Variants in TGFBR3 observed in about 807,000 individuals in gnomAD.
TGFBR3 encodes the protein transforming growth factor beta receptor type 3.
Under a neutral mutation model 87.9 loss-of-function variants are expected in TGFBR3, and 46 were observed. The ratio of observed to expected loss-of-function variants is 0.52; its 90% CI spans 0.41 to 0.67. The LOEUF is 0.67. TGFBR3 is among the 30% of genes least tolerant of loss of function. TGFBR3 has a pLI of 0.00. For synonymous variants in TGFBR3, 381 were observed against 391.6 expected, an observed-to-expected ratio of 0.97 and a Z score of 0.32; for missense variants, 866 against 1,041.9, an observed-to-expected ratio of 0.83 and a Z score of 2.32.
At chr1:91,720,518 G>C (rs1452962224) in intron 8 of TGFBR3, among the ~76,000 whole-genome samples, 1 of 152,084 alleles carries the variant, frequency 6.6e-6, no homozygotes. Context: ...TCTTAACTTT[G>C]GCTACACATG....
At position 91,681,594 on chromosome 1, in the gene TGFBR3, C is replaced by T. The variant is rs538787765; in HGVS notation, c.*2145G>A. Reference sequence around the variant, plus strand: ...CTAATAGCTAATTTTCTTTTTAACACGATGGAAAAGATTTTTTAAAAAAGC... The same window carrying T: ...CTAATAGCTAATTTTCTTTTTAACATGATGGAAAAGATTTTTTAAAAAAGC... On this transcript the variant is annotated 3_prime_UTR_variant, in exon 17 of 17. Coordinates refer to ENST00000212355, the MANE Select transcript of TGFBR3 (RefSeq NM_003243.5). The T allele has an allele frequency of 3.7e-5, 15 of 401,000 alleles. 1 individual carries two copies. Among genetic ancestry groups the T allele is most frequent in the Middle Eastern group, 8.2e-4 (1 of 1,214 alleles). The allele number at this position is 401,000 out of a possible 1,614,324, so 24.8% of individuals were successfully genotyped here.
chr1:91,788,890 T>C (rs1040350910), intron 3 of TGFBR3, among the ~76,000 whole-genome samples: 24 of 152,212 alleles, frequency 1.6e-4, no homozygotes, highest in Admixed American at 5.2e-4. Flanking sequence ...TAATTCTTTT[T>C]TTAAAGCCAA....
Position 91,843,820 on chromosome 1 carries a change from C to G in TGFBR3, c.61+17651G>C, listed in dbSNP as rs148945890. ...TTCATATGTCTCTGTCAAGACCACT[C>G]TTGACACTGTGGTGGAGAATTACTT... On this transcript the variant is annotated intron_variant, in intron 2 of 16. Coordinates refer to ENST00000212355, the MANE Select transcript of TGFBR3 (RefSeq NM_003243.5). Among the ~76,000 whole-genome samples the G allele has an allele frequency of 2.0e-5, 3 of 152,310 alleles. No individual in the cohort carries two copies. The East Asian group carries it at 5.8e-4, about 29-fold the overall frequency.
At position 91,809,845 on chromosome 1, in the gene TGFBR3, G is replaced by A. The variant is rs537817577; in HGVS notation, c.62-12374C>T. ...GAAACTGAGAGCTGACATTTGCAGA[G>A]AAATTATGAACACCTGGTCACTGGT... On this transcript the variant is annotated intron_variant, in intron 2 of 16. Coordinates refer to ENST00000212355, the MANE Select transcript of TGFBR3 (RefSeq NM_003243.5). Among the ~76,000 whole-genome samples the A allele has an allele frequency of 2.0e-5, 3 of 152,310 alleles. No individual in the cohort carries two copies. In the South Asian group the frequency reaches 6.2e-4, roughly 32 times the overall value.
In TGFBR3 at chr1:91,721,957, T is replaced by C. The variant is rs747455652; in HGVS notation, c.1073A>G (p.Asn358Ser). 10 of 1,612,996 alleles carry C rather than the reference T, an allele frequency of 6.2e-6. No homozygotes were observed. Among genetic ancestry groups the C allele is most frequent in the East Asian group, 2.2e-5 (1 of 44,800 alleles). The change falls in exon 8 of 17, where the codon AAT becomes AGT. Residue 358 changes from asparagine (N) to serine (S), a missense_variant and splice_region_variant. Transcript: ENST00000212355. ...AACTTAAAAAACTTCTAACTTACCA[T>C]TATTTTCAAGCCGAAGATGAAATCT... ...ANRFHLRLEN[N>S]AEEMGDEEVH... is the part of the protein sequence containing the mutation.
chr1:91,844,934 A>G (rs1425042958), intron 2 of TGFBR3, among the ~76,000 whole-genome samples: 1 of 152,166 alleles, frequency 6.6e-6, no homozygotes, highest in East Asian at 1.9e-4. Context: ...AAAGGGTTAA[A>G]AATACTAAGC....
At position 91,719,378 on chromosome 1, in the gene TGFBR3, A is replaced by G; in HGVS notation, c.1500T>C (p.Ser500=). 1 of 1,614,170 alleles carries G rather than the reference A, an allele frequency of 6.2e-7. No individual in the cohort carries two copies. The highest frequency in any genetic ancestry group is 8.5e-7 in the Non-Finnish European group (1 of 1,180,026). The change falls in exon 10 of 17, where the codon TCT becomes TCC. Residue 500 remains serine, a synonymous_variant. Transcript: ENST00000212355. ...KMNGTHFVLE[S]PLNGCGTRPR... ...GCCGAGTACCGCAGCCATTCAGAGG[A>G]GACTCCAAAACAAAGTGTGTGCCAT...
chr1:91,829,348 C>A (rs1676767048), intron 2 of TGFBR3, among the ~76,000 whole-genome samples: 1 of 151,660 alleles, frequency 6.6e-6, no homozygotes, highest in South Asian at 2.1e-4. Context: ...TGCACTCTAG[C>A]CTGAGCAACA....
chr1:91,873,876 G>A (rs929614483), intron 1 of TGFBR3, among the ~76,000 whole-genome samples: 2 of 151,978 alleles, frequency 1.3e-5, no homozygotes, highest in Non-Finnish European at 2.9e-5. Context: ...CTTGAACCCG[G>A]GAGGCAGAGG....
chr1:91,768,212 C>A (rs371920106), intron 3 of TGFBR3, among the ~76,000 whole-genome samples: 113 of 127,350 alleles, frequency 8.9e-4, no homozygotes, highest in Middle Eastern at 3.9e-3. Flanking sequence ...AACTCCATCT[C>A]AAAAAAAAAA....
intron 13 of TGFBR3, among the ~76,000 whole-genome samples, 180 bp from the exon 14 acceptor site, chr1:91,708,963 GC>G (rs1342801080): frequency 1.3e-5 from 2 of 152,200 alleles, no homozygotes; most frequent in Non-Finnish European, 2.9e-5. Context: ...ATGACAGCAG[GC>G]CCAGTGGATT....
chr1:91,693,927 T>A (rs1321511279), intron 16 of TGFBR3, among the ~76,000 whole-genome samples: 1 of 152,226 alleles, frequency 6.6e-6, no homozygotes, highest in Non-Finnish European at 1.5e-5. Context: ...CTGGTCCTTT[T>A]ATAAACTGTT....
chr1:91,691,714 A>G (rs963474257), intron 16 of TGFBR3, among the ~76,000 whole-genome samples: 9 of 152,256 alleles, frequency 5.9e-5, no homozygotes, highest in Admixed American at 5.2e-4. Flanking sequence ...ATAGGAAGAC[A>G]GCAGTGTCCA....
At chr1:91,865,195 T>A in intron 1 of TGFBR3, among the ~76,000 whole-genome samples, 1 of 86,782 alleles carries the variant, frequency 1.2e-5, no homozygotes, top group African/African-American at 4.9e-5. Context: ...AGAGTGAGAC[T>A]CCATCTCAAA....
chr1:91,841,661 G>A (rs1339823160), intron 2 of TGFBR3, among the ~76,000 whole-genome samples: 1 of 152,010 alleles, frequency 6.6e-6, no homozygotes, highest in Non-Finnish European at 1.5e-5. Context: ...AGGAGTGGTG[G>A]TGTGGGCCTG....
upstream of TGFBR3, among the ~76,000 whole-genome samples, chr1:91,887,527 A>C (rs1051003346): frequency 1.6e-4 from 25 of 152,010 alleles, no homozygotes; most frequent in African/African-American, 6.0e-4. Context: ...TGGCCTCCCA[A>C]AGTGCTGGGA....
chr1:91,903,338 C>CAAAAAAAAAA lies in TGFBR3; in HGVS notation c.-175+2478_-175+2487dup, dbSNP rs58672104. On this transcript the variant is annotated intron_variant, in intron 1 of 17. Coordinates refer to the TGFBR3 transcript ENST00000370399. ...TGGGAGACAGAGTGAGATTCTGCCT[C>CAAAAAAAAAA]AAAAAAAAAAAAAAAAAAAAAAAAA... 1.4e-3 allele frequency among the ~76,000 whole-genome samples: 72 copies of CAAAAAAAAAA among 50,490 alleles called. 5 individuals carry two copies. The highest frequency in any genetic ancestry group is 1.9e-3 in the African/African-American group (28 of 14,478). 33.1% of individuals were successfully genotyped at this position (50,490 alleles called of 152,430 possible).
chr1:91,762,481 G>T (rs1056529810), intron 3 of TGFBR3, among the ~76,000 whole-genome samples: 1 of 152,160 alleles, frequency 6.6e-6, no homozygotes, highest in Admixed American at 6.5e-5. Context: ...TTCAGCAGAA[G>T]AACTTAATAG....
chr1:91,751,622 C>CT (rs1005770019), intron 4 of TGFBR3, among the ~76,000 whole-genome samples: 68 of 145,640 alleles, frequency 4.7e-4, no homozygotes, highest in South Asian at 6.6e-4. Context: ...ATATTTGGAC[C>CT]TTTTTTTTTT....
Sources: allele counts gnomAD v4.1 joint callset (sites outside exome capture counted in the v4.1 genomes callset), GRCh38; gene constraint gnomAD v4.1.1; transcripts MANE v1.5; gene names NCBI Gene and HGNC (gene_info 2026-07-23, HGNC 2026-07-21).